GPAT3: variants seen among roughly 807,000 people sequenced by gnomAD.
GPAT3 encodes glycerol-3-phosphate acyltransferase 3.
A neutral mutation model predicts 58.8 loss-of-function variants in GPAT3; 53 were observed. The observed-to-expected ratio is 0.90, with a 90% CI of 0.72 to 1.13. The LOEUF (loss-of-function observed/expected upper bound fraction) is 1.13. Ranked by LOEUF, GPAT3 falls within the 50% of genes most tolerant of loss-of-function variation. GPAT3 has a pLI of 0.00. For synonymous variants in GPAT3, 197 were observed against 187.4 expected (o/e 1.05, Z -0.42); for missense variants, 511 against 527.6 (o/e 0.97, Z 0.31).
At chr4:83,549,067 G>A (rs996717224) in intron 2 of GPAT3, among the ~76,000 whole-genome samples, 2 of 151,724 alleles carry the variant, frequency 1.3e-5, no homozygotes, top group Non-Finnish European at 2.9e-5. Flanking sequence ...TATCAAGTCA[G>A]GTGGGATCAT....
chr4:83,574,627 T>A lies in GPAT3; in HGVS notation c.209-6935T>A, dbSNP rs1158567816. On this transcript the variant is annotated intron_variant, in intron 2 of 11. Transcript: ENST00000264409. ...GCTGACTTGTAAAGTAAAATGAATTTTTTTTTTTTTTTTTTTTTTTTTTTT... is the reference window on the plus strand; with the variant it reads ...GCTGACTTGTAAAGTAAAATGAATTATTTTTTTTTTTTTTTTTTTTTTTTT... 9.6e-4 allele frequency among the ~76,000 whole-genome samples: 14 copies of A among 14,562 alleles called. No individual in the cohort carries two copies. The South Asian group carries it at 0.037, about 39-fold the overall frequency. The allele number at this position is 14,562 out of a possible 152,430, so 9.6% of individuals were successfully genotyped here.
intron 2 of GPAT3, among the ~76,000 whole-genome samples, chr4:83,552,866 G>A (rs1724804466): frequency 6.6e-6 from 1 of 152,142 alleles, no homozygotes. Context: ...GAGCCATAAT[G>A]AGTGGGATTA....
chr4:83,559,095 A>C (rs1164732988), intron 2 of GPAT3, among the ~76,000 whole-genome samples: 1 of 152,252 alleles, frequency 6.6e-6, no homozygotes, highest in African/African-American at 2.4e-5. Flanking sequence ...AGATTATATG[A>C]GATATTTTCC....
In GPAT3 at chr4:83,604,781, A is replaced by C. The variant is rs777488782; in HGVS notation, c.*14A>C. The C allele has an allele frequency of 3.1e-6, 5 of 1,605,042 alleles. No homozygotes were observed. In the South Asian group the frequency reaches 5.5e-5, roughly 18 times the overall value. On this transcript the variant is annotated 3_prime_UTR_variant, in exon 12 of 12. Transcript: ENST00000264409. ...TCTCTCAGCTAAGAGGACGGATGAC[A>C]GCCTTTAGATCTAGAACTAGCCCTT...
rs763177636 is a variant in GPAT3, at chr4:83,536,514, C to T, written c.-109C>T. On this transcript the variant is annotated 5_prime_UTR_variant, in exon 1 of 12. Transcript: ENST00000264409. ...CTCTTCCCTTCGCAGAGGTGAGTGC[C>T]GGGCTCGGCGCTCTGCTCCTGGAGC... The T allele has an allele frequency of 2.5e-4, 371 of 1,510,902 alleles. No homozygotes were observed. The highest frequency in any genetic ancestry group is 3.2e-4 in the Non-Finnish European group (358 of 1,133,516). The allele number at this position is 1,510,902 out of a possible 1,614,324, so 93.6% of individuals were successfully genotyped here.
intron 2 of GPAT3, among the ~76,000 whole-genome samples, chr4:83,546,046 G>A (rs1282130505): frequency 3.9e-5 from 6 of 152,078 alleles, no homozygotes; most frequent in African/African-American, 2.4e-5. Context: ...GTGCGGTGGC[G>A]AGATGTCGGC....
chr4:83,595,790 T>C (rs538859658), intron 7 of GPAT3, among the ~76,000 whole-genome samples: 59 of 152,268 alleles, frequency 3.9e-4, no homozygotes, highest in African/African-American at 1.2e-3. Context: ...AGAGATGAGC[T>C]ACCAGAAACC....
At chr4:83,566,332 C>T (rs1725380440) in intron 2 of GPAT3, among the ~76,000 whole-genome samples, 1 of 152,078 alleles carries the variant, frequency 6.6e-6, no homozygotes, top group Non-Finnish European at 1.5e-5. Context: ...AGCCACCAAA[C>T]CTGGCCAATA....
At chr4:83,587,430 A>G (rs1320751959) in intron 4 of GPAT3, 101 bp downstream of exon 4, 9 of 1,077,530 alleles carry the variant, frequency 8.4e-6, no homozygotes, top group African/African-American at 1.6e-5. Context: ...TTGCATTATT[A>G]TTATTATTAT....
chr4:83,561,113 C>A (rs993795190), intron 2 of GPAT3, among the ~76,000 whole-genome samples: 8 of 152,154 alleles, frequency 5.3e-5, no homozygotes, highest in African/African-American at 1.9e-4. Context: ...GCAAATAACA[C>A]CCTTCTTCAA....
chr4:83,588,346 C>A, intron 5 of GPAT3, 47 bp downstream of exon 5: 1 of 1,544,004 alleles, frequency 6.5e-7, no homozygotes, highest in Non-Finnish European at 8.9e-7. Flanking sequence ...GTCAATTCAG[C>A]ATGAGATTGA....
chr4:83,576,487 A>G (rs552636130), intron 2 of GPAT3, among the ~76,000 whole-genome samples: 1 of 152,002 alleles, frequency 6.6e-6, no homozygotes, highest in African/African-American at 2.4e-5. Context: ...TCTGTCACCC[A>G]GGCTGGAGTG....
At chr4:83,574,988 T>C (rs1725748809) in intron 2 of GPAT3, among the ~76,000 whole-genome samples, 1 of 149,724 alleles carries the variant, frequency 6.7e-6, no homozygotes, top group Admixed American at 6.7e-5. Context: ...GCCATTCTCC[T>C]GCCTCAGCCT....
intron 2 of GPAT3, among the ~76,000 whole-genome samples, chr4:83,578,967 T>TCTTGCTTG (rs1489211665): frequency 1.6e-5 from 2 of 126,040 alleles, no homozygotes; most frequent in African/African-American, 6.8e-5. Flanking sequence ...TTTCTTTCTT[T>TCTTGCTTG]CTTTCTTTCT....
intron 2 of GPAT3, among the ~76,000 whole-genome samples, chr4:83,562,199 A>ATTT (rs5859879): frequency 5.5e-5 from 2 of 36,046 alleles, no homozygotes; most frequent in African/African-American, 1.7e-4. Flanking sequence ...ATATATATAT[A>ATTT]ATATATATAT....
At position 83,605,422 on chromosome 4, in the gene GPAT3, C is replaced by G. The variant is rs1414360006; in HGVS notation, c.*655C>G. On this transcript the variant is annotated 3_prime_UTR_variant, in exon 12 of 12. Transcript: ENST00000264409. ...GGCAGCTCGTAGACCACATTTTAAC[C>G]AGCAACTGGTAACAAAGAGCTTAGT... 6.6e-6 allele frequency: 1 copy of G among 152,158 alleles called. No homozygotes were observed. The highest frequency in any genetic ancestry group is 2.4e-5 in the African/African-American group (1 of 41,438). 9.4% of individuals were successfully genotyped at this position (152,158 alleles called of 1,614,324 possible).
chr4:83,575,453 C>T (rs532334501), intron 2 of GPAT3, among the ~76,000 whole-genome samples: 68 of 152,198 alleles, frequency 4.5e-4, no homozygotes, highest in African/African-American at 1.4e-3. Flanking sequence ...TGCTCTGTCG[C>T]CCAGGCTGGA....
At chr4:83,554,180 G>A (rs1724864821) in intron 2 of GPAT3, among the ~76,000 whole-genome samples, 1 of 151,940 alleles carries the variant, frequency 6.6e-6, no homozygotes, top group African/African-American at 2.4e-5. Flanking sequence ...TTTTGTAGAG[G>A]CGGGGTCTCA....
chr4:83,551,813 A>ATCT (rs1553943810), intron 2 of GPAT3, among the ~76,000 whole-genome samples: 74 of 102,418 alleles, frequency 7.2e-4, no homozygotes, highest in East Asian at 5.0e-3. Context: ...AAAAAAAAAA[A>ATCT]ATCTATCTAT....
Sources: gnomAD v4.1 joint callset for allele counts (sites outside exome capture counted in the v4.1 genomes callset) on GRCh38, gnomAD v4.1.1 for gene constraint, MANE v1.5 for transcripts, NCBI Gene and HGNC (gene_info 2026-07-23, HGNC 2026-07-21) for gene names.